HRH1: variants seen among roughly 807,000 people sequenced by gnomAD.
HRH1 encodes the protein histamine receptor H1.
Under a neutral mutation model 10.3 loss-of-function variants are expected in HRH1, and 6 were observed. That is an observed-to-expected ratio of 0.58 (90% CI 0.32 to 1.15). The LOEUF (loss-of-function observed/expected upper bound fraction) is 1.15, where lower values mean the gene tolerates loss of function less well. HRH1 is among the 50% of genes most tolerant of loss of function. HRH1 has a pLI of 0.05. For synonymous variants in HRH1, 242 were observed against 236.7 expected (o/e 1.02, Z -0.21); for missense variants, 514 against 615.3 (o/e 0.84, Z 1.74).
intron 1 of HRH1, among the ~76,000 whole-genome samples, chr3:11,237,664 CTTTTTTTTTTTTTTT>C (rs376450222): frequency 1.4e-4 from 12 of 83,100 alleles, no homozygotes; most frequent in African/African-American, 5.8e-4. Flanking sequence ...TTTTCTTTTC[CTTTTTTTTTTTTTTT>C]TTTTTTTTTT....
intron 1 of HRH1, among the ~76,000 whole-genome samples, chr3:11,242,267 G>A (rs1209887132): frequency 1.3e-5 from 2 of 152,044 alleles, no homozygotes; most frequent in African/African-American, 4.8e-5. Flanking sequence ...GGATCAGGAG[G>A]TCAGGAGATC....
chr3:11,153,811 AAC>A (rs1403894572), upstream of HRH1, among the ~76,000 whole-genome samples: 1 of 152,024 alleles, frequency 6.6e-6, no homozygotes, highest in African/African-American at 2.4e-5. Context: ...TGCTAATTAA[AAC>A]ACATCCTATT....
At position 11,250,208 on chromosome 3, in the gene HRH1, ATTTTT is replaced by A. The variant is rs71055857; in HGVS notation, c.-35-8775_-35-8771del. ...TAGGCGCCGCCACCACACCCGGCTA[ATTTTT>A]TTTTTTTTTTTTTTTTTTTGTATTT... On this transcript the variant is annotated intron_variant, in intron 1 of 1. Transcript: ENST00000431010. 7.3e-3 allele frequency among the ~76,000 whole-genome samples: 781 copies of A among 106,886 alleles called. 14 individuals are homozygous for A. In the East Asian group the frequency reaches 0.075, roughly 10 times the overall value. 70.1% of individuals were successfully genotyped at this position (106,886 alleles called of 152,430 possible).
At chr3:11,152,411 A>G (rs998701035), upstream of HRH1, among the ~76,000 whole-genome samples, 1 of 152,168 alleles carries the variant, frequency 6.6e-6, no homozygotes, top group African/African-American at 2.4e-5. Flanking sequence ...CAGGGGCTTG[A>G]AATCATGTCT....
At chr3:11,167,898 T>C (rs994617986) in intron 1 of HRH1, among the ~76,000 whole-genome samples, 1 of 152,080 alleles carries the variant, frequency 6.6e-6, no homozygotes, top group Non-Finnish European at 1.5e-5. Context: ...GCCCAATAGG[T>C]GTCAGGGATT....
At position 11,235,317 on chromosome 3, in the gene HRH1, A is replaced by G. The variant is rs540459283; in HGVS notation, c.-35-23686A>G. Among the ~76,000 whole-genome samples, 16 of 152,332 alleles carry G rather than the reference A, an allele frequency of 1.1e-4. No homozygotes were observed. The East Asian group carries it at 2.5e-3, about 24-fold the overall frequency. On this transcript the variant is annotated intron_variant, in intron 1 of 1. Coordinates refer to ENST00000431010, the MANE Select transcript of HRH1 (RefSeq NM_001098212.2). ...TTTAGGTATTATAAGACCTAGGATC[A>G]TATTTAAATCTCCTGATTTATCTGC...
At chr3:11,137,717 G>C (rs1936210364) in intron 1 of HRH1, among the ~76,000 whole-genome samples, 1 of 152,110 alleles carries the variant, frequency 6.6e-6, no homozygotes, top group Non-Finnish European at 1.5e-5. Context: ...CTTGAGGATG[G>C]GGAACAGCGA....
At chr3:11,138,704 ATTTTT>A (rs35194961) in intron 1 of HRH1, among the ~76,000 whole-genome samples, 16 of 139,406 alleles carry the variant, frequency 1.1e-4, no homozygotes, top group Admixed American at 1.4e-4. Flanking sequence ...TCATAGCTGA[ATTTTT>A]TTTTTTTTTT....
intron 1 of HRH1, among the ~76,000 whole-genome samples, chr3:11,198,316 C>A (rs1937753441): frequency 6.6e-6 from 1 of 151,980 alleles, no homozygotes; most frequent in African/African-American, 2.4e-5. Context: ...CCCATCCCCC[C>A]ACATTCCAAT....
chr3:11,237,281 G>A (rs926299696), intron 1 of HRH1, among the ~76,000 whole-genome samples: 4 of 152,172 alleles, frequency 2.6e-5, no homozygotes, highest in Non-Finnish European at 5.9e-5. Flanking sequence ...ACGTTAGCAC[G>A]GATGTCCATG....
chr3:11,197,914 A>G (rs1176434830), intron 1 of HRH1, among the ~76,000 whole-genome samples: 1 of 152,136 alleles, frequency 6.6e-6, no homozygotes, highest in African/African-American at 2.4e-5. Context: ...ATTAGCTGGT[A>G]ATTGGAGGTG....
chr3:11,137,512 A>T (rs2124989531), intron 1 of HRH1: 1 of 153,248 alleles, frequency 6.5e-6, no homozygotes, highest in Middle Eastern at 3.4e-3. Context: ...GTCACCAGGG[A>T]CTGAGGTGGC....
chr3:11,141,843 A>G (rs1936297753), intron 1 of HRH1, among the ~76,000 whole-genome samples: 1 of 152,224 alleles, frequency 6.6e-6, no homozygotes, highest in African/African-American at 2.4e-5. Flanking sequence ...AGATGATGCT[A>G]TGTACATTCT....
intron 1 of HRH1, among the ~76,000 whole-genome samples, chr3:11,250,208 ATTTTTTTTT>A (rs71055857): frequency 1.1e-4 from 12 of 106,910 alleles, no homozygotes; most frequent in Non-Finnish European, 1.8e-4. Context: ...CACCCGGCTA[ATTTTTTTTT>A]TTTTTTTTTT....
chr3:11,250,564 G>A (rs993649649), intron 1 of HRH1, among the ~76,000 whole-genome samples: 5 of 152,104 alleles, frequency 3.3e-5, no homozygotes, highest in Non-Finnish European at 5.9e-5. Context: ...TGATGAACTG[G>A]TAATTCAATG....
intron 1 of HRH1, among the ~76,000 whole-genome samples, chr3:11,176,163 T>G (rs1937244326): frequency 1.5e-5 from 2 of 129,124 alleles, no homozygotes; most frequent in Non-Finnish European, 3.0e-5. Flanking sequence ...AGTGAGAACC[T>G]GTCTCAAAAA....
chr3:11,215,735 C>T (rs1025376249), intron 1 of HRH1, among the ~76,000 whole-genome samples: 6 of 152,212 alleles, frequency 3.9e-5, no homozygotes, highest in African/African-American at 1.2e-4. Flanking sequence ...GCCACCGCGC[C>T]CAGCCGGGTC....
At chr3:11,208,680 CA>C (rs1321642699) in intron 1 of HRH1, among the ~76,000 whole-genome samples, 1 of 152,220 alleles carries the variant, frequency 6.6e-6, no homozygotes, top group African/African-American at 2.4e-5. Flanking sequence ...CTTAATTTGA[CA>C]AACTATTATG....
chr3:11,254,869 T>C (rs1042146303), intron 1 of HRH1, among the ~76,000 whole-genome samples: 3 of 152,212 alleles, frequency 2.0e-5, no homozygotes, highest in African/African-American at 7.2e-5. Context: ...GGGCAGGGGT[T>C]TTTAATCCCT....
Sources: gnomAD v4.1 joint callset for allele counts (sites outside exome capture counted in the v4.1 genomes callset) on GRCh38, gnomAD v4.1.1 for gene constraint, MANE v1.5 for transcripts, NCBI Gene and HGNC (gene_info 2026-07-23, HGNC 2026-07-21) for gene names.